The following BGN variants were observed in gnomAD, a reference collection of about 807,000 sequenced individuals.
BGN encodes biglycan.
In BGN, 6 loss-of-function variants were observed where a neutral mutation model predicts 20.0. The observed-to-expected ratio is 0.30, with a 90% CI of 0.16 to 0.59. The LOEUF (loss-of-function observed/expected upper bound fraction) is 0.59, where lower values mean the gene tolerates loss of function less well. Ranked by LOEUF, BGN falls within the 20% of genes least tolerant of loss-of-function variation. BGN has a pLI of 0.88. For missense variants in BGN, 292 were observed against 312.1 expected (o/e 0.94, Z 0.49); for synonymous variants, 146 against 134.6 (o/e 1.08, Z -0.59).
At chrX:153,507,505 G>T (rs1377489025) in intron 7 of BGN, among the ~76,000 whole-genome samples, 2 of 112,782 alleles carry the variant, frequency 1.8e-5, no homozygotes, top group East Asian at 5.6e-4. Context: ...GACAGTGACC[G>T]CCCAGGGCAG....
chrX:153,509,061 CTGTGTGTGTGTG>C lies in BGN; in HGVS notation c.*650_*661del, dbSNP rs60374028. The C allele has an allele frequency of 2.3e-3, 194 of 83,999 alleles. 1 individual carries two copies. Among genetic ancestry groups the C allele is most frequent in the East Asian group, 4.8e-3 (12 of 2,506 alleles). The allele number at this position is 83,999 out of a possible 1,213,427, so 6.9% of individuals were successfully genotyped here. On this transcript the variant is annotated 3_prime_UTR_variant, in exon 8 of 8. Transcript: ENST00000331595. ...TCTCTCTCTCTCTCTCTCTCTCTTT[CTGTGTGTGTGTG>C]TGTGTGTGTGTGTGTGTGTGTGTGT...
chrX:153,505,277 C>T lies in BGN; in HGVS notation c.278C>T (p.Thr93Met), dbSNP rs138787321. The T allele has an allele frequency of 1.8e-5, 22 of 1,208,187 alleles. No homozygotes were observed. Among genetic ancestry groups the T allele is most frequent in the African/African-American group, 8.8e-5 (5 of 57,008 alleles). ...CCCAAAGAGATCTCCCCTGACACCA[C>T]GCTGCTGGACCTGCAGAACAACGAC... is the stretch of plus-strand genomic sequence containing the variant. ...SVPKEISPDT[T>M]LLDLQNNDIS... is the part of the protein sequence containing the mutation. Residue 93 changes from threonine to methionine, a missense_variant, in exon 3 of 8, where the codon ACG (threonine) becomes ATG (methionine). By Grantham distance (81) the Thr-to-Met change is moderately conservative. Transcript: ENST00000331595.
At position 153,507,039 on chromosome X, in the gene BGN, G is replaced by T. The variant is rs782791955; in HGVS notation, c.771-8G>T. 2 of 1,208,297 alleles carry T rather than the reference G, an allele frequency of 1.7e-6. No individual in the cohort carries two copies. Among genetic ancestry groups the T allele is most frequent in the South Asian group, 1.8e-5 (1 of 56,658 alleles). On this transcript the variant is annotated splice_polypyrimidine_tract_variant and splice_region_variant and intron_variant, in intron 6 of 7. Coordinates refer to ENST00000331595, the MANE Select transcript of BGN (RefSeq NM_001711.6). ...GCCTTTGAGTCCGTGTCATTCTCCC[G>T]CTCACAGGCTGGGCCTAGGCCACAA... is the stretch of plus-strand genomic sequence containing the variant.
chrX:153,496,617 G>A (rs1279358878), intron 1 of BGN, among the ~76,000 whole-genome samples: 1 of 112,208 alleles, frequency 8.9e-6, no homozygotes, highest in Non-Finnish European at 1.9e-5. Flanking sequence ...TGGCAGCCCT[G>A]GCCTCCCTGG....
chrX:153,503,048 C>T (rs1556992191), intron 1 of BGN, among the ~76,000 whole-genome samples: 1 of 112,960 alleles, frequency 8.9e-6, no homozygotes, highest in African/African-American at 3.2e-5. Context: ...CAGGACAGGC[C>T]TCCATCCCAA....
At chrX:153,496,829 A>G (rs1380944789) in intron 1 of BGN, among the ~76,000 whole-genome samples, 4 of 111,007 alleles carry the variant, frequency 3.6e-5, no homozygotes, top group Non-Finnish European at 7.6e-5. Flanking sequence ...AGGGGTTTGT[A>G]ATGAGTTCAC....
chrX:153,500,452 C>A (rs1156983791), intron 1 of BGN, among the ~76,000 whole-genome samples: 4 of 112,027 alleles, frequency 3.6e-5, no homozygotes, highest in Non-Finnish European at 7.5e-5. Context: ...GGCCCAGAGG[C>A]CTCAGTTGTG....
rs782737792 is a variant in BGN at position 153,506,599 on chromosome X, C to T, written c.636C>T (p.Tyr212=). The T allele has an allele frequency of 2.5e-6, 3 of 1,211,515 alleles. No homozygotes were observed. The highest frequency in any genetic ancestry group is 3.4e-6 in the Non-Finnish European group (3 of 895,461). Residue 212 remains tyrosine (Y), a synonymous_variant, in exon 5 of 8, where the codon TAC becomes TAT. Transcript: ENST00000331595. Reference sequence around the variant, plus strand: ...CCTTCGATGGCCTGAAGCTCAACTACCTGCGCATCTCAGAGGCCAAGCTGA... The same window carrying T: ...CCTTCGATGGCCTGAAGCTCAACTATCTGCGCATCTCAGAGGCCAAGCTGA... The part of the protein sequence containing the change: ...PGAFDGLKLN[Y]LRISEAKLTG...
rs2089819934 is a variant in BGN, at chrX:153,508,545, A to T, written c.*100A>T. 3 of 987,631 alleles carry T rather than the reference A, an allele frequency of 3.0e-6. No individual in the cohort carries two copies. Among genetic ancestry groups the T allele is most frequent in the Non-Finnish European group, 4.1e-6 (3 of 726,198 alleles). The allele number at this position is 987,631 out of a possible 1,213,427, so 81.4% of individuals were successfully genotyped here. On this transcript the variant is annotated 3_prime_UTR_variant, in exon 8 of 8. Transcript: ENST00000331595. ...GAGCCAGGAAGCTAAGCCAGGGCCC[A>T]GCTGCGTCCAACCCAGCCCCCCACC...
chrX:153,506,376 G>A lies in BGN; in HGVS notation c.566-153G>A, dbSNP rs2089800338. On this transcript the variant is annotated intron_variant, in intron 4 of 7. Transcript: ENST00000331595. ...GGCTAGCAGTCCTGAACAGCTAGGA[G>A]TTTGCAATTAGCCCGGTAAATTAGC... is the stretch of plus-strand genomic sequence containing the variant. Among the ~76,000 whole-genome samples the A allele has an allele frequency of 2.7e-5, 3 of 111,854 alleles. No individual in the cohort carries two copies. In the South Asian group the frequency reaches 1.1e-3, roughly 42 times the overall value.
intron 4 of BGN, 97 bp from the exon 5 acceptor site, chrX:153,506,432 G>T: frequency 1.3e-6 from 1 of 770,776 alleles, no homozygotes; most frequent in Non-Finnish European, 1.9e-6. Flanking sequence ...GGAGCAGCCG[G>T]CAGGTAGCAG....
At chrX:153,498,967 G>A (rs961381283) in intron 1 of BGN, among the ~76,000 whole-genome samples, 26 of 111,824 alleles carry the variant, frequency 2.3e-4, no homozygotes, top group African/African-American at 8.5e-4. Context: ...GTGGCACTGT[G>A]TGCATTGGGA....
At chrX:153,506,734 G>A (rs2089803304) in intron 5 of BGN, 95 bp downstream of exon 5, 2 of 1,149,506 alleles carry the variant, frequency 1.7e-6, no homozygotes, top group African/African-American at 1.8e-5. Flanking sequence ...ATCTACTCAG[G>A]GAAAGGCTCA....
chrX:153,505,911 T>C lies in BGN; in HGVS notation c.400T>C (p.Phe134Leu). 8.3e-7 allele frequency: 1 copy of C among 1,211,760 alleles called. No homozygotes were observed. ...GATCTCCAAGATCCATGAGAAGGCC[T>C]TCAGCCCACTGCGGAAGCTGCAGAA... The part of the protein sequence containing the change: ...NKISKIHEKA[F>L]SPLRKLQKLY... The change falls in exon 4 of 8, where the codon TTC becomes CTC. Residue 134 changes from phenylalanine (F) to leucine (L), a missense_variant. Coordinates refer to ENST00000331595, the MANE Select transcript of BGN (RefSeq NM_001711.6).
At chrX:153,500,763 A>ATGTGTGCGTGTGTGTGCATG (rs2089751934) in intron 1 of BGN, among the ~76,000 whole-genome samples, 1 of 107,661 alleles carries the variant, frequency 9.3e-6, no homozygotes, top group Non-Finnish European at 1.9e-5. Flanking sequence ...ATAAATGTGT[A>ATGTGTGCGTGTGTGTGCATG]TGTGTGCGTG....
rs188907949 is a variant in BGN, at chrX:153,500,227, G to T, written c.-11-4394G>T. ...GCTTTCAGAGGGGCAGACAAGGAGG[G>T]CCCTATTGGGGTGGTGGCGGAGGCT... On this transcript the variant is annotated intron_variant, in intron 1 of 7. Coordinates refer to ENST00000331595, the MANE Select transcript of BGN (RefSeq NM_001711.6). 1.7e-3 allele frequency among the ~76,000 whole-genome samples: 198 copies of T among 113,231 alleles called. 2 individuals carry two copies. The highest frequency in any genetic ancestry group is 1.9e-3 in the Non-Finnish European group (102 of 53,326).
At position 153,506,050 on chromosome X, in the gene BGN, G is replaced by A. The variant is rs1556993061; in HGVS notation, c.539G>A (p.Ser180Asn). The change falls in exon 4 of 8, where the codon AGC (serine) becomes AAC (asparagine). Residue 180 changes from serine (S) to asparagine (N), a missense_variant. By Grantham distance (46) the Ser-to-Asn change is conservative. Transcript: ENST00000331595. ...RIRKVPKGVF[S>N]GLRNMNCIEM... Reference sequence around the variant, plus strand: ...CGCAAGGTGCCCAAGGGAGTGTTCAGCGGGCTCCGGAACATGAACTGCATC... The same window carrying A: ...CGCAAGGTGCCCAAGGGAGTGTTCAACGGGCTCCGGAACATGAACTGCATC... 8.3e-7 allele frequency: 1 copy of A among 1,209,937 alleles called. No homozygotes were observed.
In BGN at chrX:153,507,189, A is replaced by G. The variant is rs1186564318; in HGVS notation, c.909+4A>G. 3.4e-6 allele frequency: 4 copies of G among 1,191,008 alleles called. No homozygotes were observed. The highest frequency in any genetic ancestry group is 4.5e-6 in the Non-Finnish European group (4 of 884,455). On this transcript the variant is annotated splice_donor_region_variant and intron_variant, in intron 7 of 7. Transcript: ENST00000331595. The stretch of plus-strand genomic sequence containing the variant: ...CCCAGACCTCAAGCTCCTCCAGGTG[A>G]GAGCTGGGCATGCACAGCCAGGTTC...
At position 153,508,346 on chromosome X, in the gene BGN, C is replaced by T; in HGVS notation, c.1008C>T (p.Ser336=). 1 of 1,212,285 alleles carries T rather than the reference C, an allele frequency of 8.2e-7. No homozygotes were observed. Among genetic ancestry groups the T allele is most frequent in the Middle Eastern group, 2.3e-4 (1 of 4,353 alleles). Residue 336 remains serine, a synonymous_variant, in exon 8 of 8, where the codon AGC becomes AGT. Coordinates refer to ENST00000331595, the MANE Select transcript of BGN (RefSeq NM_001711.6). The part of the protein sequence containing the change: ...GVKRAYYNGI[S]LFNNPVPYWE... ...AGCGGGCCTACTACAACGGCATCAG[C>T]CTCTTCAACAACCCCGTGCCCTACT...
Sources: gnomAD v4.1 joint callset for allele counts (sites outside exome capture counted in the v4.1 genomes callset) on GRCh38, gnomAD v4.1.1 for gene constraint, MANE v1.5 for transcripts, NCBI Gene and HGNC (gene_info 2026-07-23, HGNC 2026-07-21) for gene names.